SMOC2: variants seen among roughly 807,000 people sequenced by gnomAD.
SMOC2 encodes SPARC related modular calcium binding 2, also known as SPARC-related modular calcium-binding protein 2.
Under a neutral mutation model 61.4 loss-of-function variants are expected in SMOC2, and 39 were observed. The observed-to-expected ratio is 0.64, with a 90% CI of 0.49 to 0.83. The LOEUF is 0.83. SMOC2 is among the 40% of genes least tolerant of loss of function. The probability of loss-of-function intolerance (pLI) is 0.00; values close to 1 mark genes in which losing one functional copy is unlikely to be tolerated. For synonymous variants in SMOC2, 247 were observed against 239.9 expected (o/e 1.03, Z -0.27); for missense variants, 556 against 592.9 (o/e 0.94, Z 0.65).
chr6:168,596,667 C>T (rs4708757), intron 7 of SMOC2, among the ~76,000 whole-genome samples: 6 of 152,054 alleles, frequency 3.9e-5, no homozygotes, highest in Non-Finnish European at 8.8e-5. Context: ...AGAAACATTT[C>T]GCACAACCCC....
intron 2 of SMOC2, among the ~76,000 whole-genome samples, chr6:168,518,461 A>G (rs1783207076): frequency 6.9e-6 from 1 of 144,342 alleles, no homozygotes; most frequent in African/African-American, 2.6e-5. Flanking sequence ...GAATGTGTGT[A>G]TTCATGTGCC....
chr6:168,451,774 T>A (rs1209149327), intron 1 of SMOC2, among the ~76,000 whole-genome samples: 1 of 152,254 alleles, frequency 6.6e-6, no homozygotes, highest in Non-Finnish European at 1.5e-5. Flanking sequence ...TAATCAGTTC[T>A]TCATTCTTAA....
rs1044533861 is a variant in SMOC2 at position 168,448,437 on chromosome 6, G to T, written c.84+6983G>T. 3.4e-5 allele frequency among the ~76,000 whole-genome samples: 5 copies of T among 149,138 alleles called. No homozygotes were observed. In the Admixed American group the frequency reaches 3.4e-4, roughly 10 times the overall value. ...GCAATGGGGAGGACGATGATGGGGAGAAGGATGAGGATGGGGAGGAGGACG... is the reference window on the plus strand; with the variant it reads ...GCAATGGGGAGGACGATGATGGGGATAAGGATGAGGATGGGGAGGAGGACG... On this transcript the variant is annotated intron_variant, in intron 1 of 12. Coordinates refer to ENST00000356284, the MANE Select transcript of SMOC2 (RefSeq NM_001166412.2).
intron 9 of SMOC2, among the ~76,000 whole-genome samples, chr6:168,621,789 C>G (rs988969695): frequency 6.6e-6 from 1 of 152,170 alleles, no homozygotes; most frequent in Non-Finnish European, 1.5e-5. Flanking sequence ...CCAGTCACCT[C>G]CACCTGGTCC....
intron 1 of SMOC2, among the ~76,000 whole-genome samples, chr6:168,490,528 G>A (rs138846575): frequency 2.0e-3 from 309 of 152,286 alleles, no homozygotes; most frequent in African/African-American, 6.7e-3. Context: ...GTGGCAACTC[G>A]GAAGCAAAGT....
At chr6:168,563,865 G>T (rs1784482152) in intron 7 of SMOC2, among the ~76,000 whole-genome samples, 1 of 152,092 alleles carries the variant, frequency 6.6e-6, no homozygotes, top group African/African-American at 2.4e-5. Flanking sequence ...CGGAGGCTCG[G>T]TGTCCGTAGA....
At chr6:168,611,147 G>A (rs1785849491) in intron 9 of SMOC2, among the ~76,000 whole-genome samples, 1 of 152,252 alleles carries the variant, frequency 6.6e-6, no homozygotes, top group Non-Finnish European at 1.5e-5. Context: ...CCAGGCACTT[G>A]CATTGAGCTG....
intron 9 of SMOC2, among the ~76,000 whole-genome samples, chr6:168,636,919 C>T (rs1347243760): frequency 1.7e-5 from 2 of 119,638 alleles, no homozygotes; most frequent in Non-Finnish European, 3.5e-5. Flanking sequence ...ATCCCTCCTC[C>T]CTCCTCCCCC....
intron 7 of SMOC2, among the ~76,000 whole-genome samples, chr6:168,568,039 T>C (rs112577320): frequency 9.4e-4 from 142 of 150,742 alleles, no homozygotes; most frequent in African/African-American, 3.4e-3. Context: ...TCTCTTCAGA[T>C]GAGCAGCCAC....
chr6:168,530,261 A>G (rs1783557654), intron 4 of SMOC2, among the ~76,000 whole-genome samples: 1 of 152,148 alleles, frequency 6.6e-6, no homozygotes, highest in Admixed American at 6.5e-5. Flanking sequence ...ATTCCTGGAG[A>G]GCAGAGAAAG....
chr6:168,519,210 C>CAT (rs1562567325), intron 2 of SMOC2, among the ~76,000 whole-genome samples: 2 of 110,830 alleles, frequency 1.8e-5, no homozygotes, highest in Admixed American at 8.9e-5. Context: ...TGTATGCATG[C>CAT]GTGTGTGAGA....
chr6:168,583,183 C>T (rs965239476), intron 7 of SMOC2, among the ~76,000 whole-genome samples: 2 of 152,238 alleles, frequency 1.3e-5, no homozygotes, highest in African/African-American at 4.8e-5. Flanking sequence ...AACTAAATAA[C>T]CTGCATCCAG....
intron 1 of SMOC2, among the ~76,000 whole-genome samples, chr6:168,505,646 T>A (rs981399462): frequency 6.6e-6 from 1 of 152,274 alleles, no homozygotes; most frequent in Non-Finnish European, 1.5e-5. Flanking sequence ...TGGAAAGTTA[T>A]GTTTTCCTTT....
intron 8 of SMOC2, among the ~76,000 whole-genome samples, chr6:168,599,491 C>T (rs1340835360): frequency 8.0e-6 from 1 of 125,426 alleles, no homozygotes; most frequent in Non-Finnish European, 1.6e-5. Context: ...AATCATACCC[C>T]ACACACCCAC....
intron 1 of SMOC2, among the ~76,000 whole-genome samples, chr6:168,482,167 GAC>G (rs1037699832): frequency 6.6e-6 from 1 of 151,782 alleles, no homozygotes; most frequent in African/African-American, 2.4e-5. Flanking sequence ...GAAAAAAAGA[GAC>G]GTTTCAAATT....
chr6:168,508,141 G>C (rs1256070777), intron 1 of SMOC2, among the ~76,000 whole-genome samples: 2 of 152,214 alleles, frequency 1.3e-5, no homozygotes, highest in Admixed American at 6.5e-5. Flanking sequence ...CTGGCTTTGA[G>C]TCCAGCTTTG....
At chr6:168,529,270 T>C (rs6941466) in intron 4 of SMOC2, among the ~76,000 whole-genome samples, 103,555 of 152,070 alleles carry the variant, frequency 0.68, 37,425 homozygotes, top group Non-Finnish European at 0.8. Flanking sequence ...AGAGAGTAGA[T>C]GGCCCTTTGC....
At chr6:168,651,005 C>T (rs939970804) in intron 10 of SMOC2, among the ~76,000 whole-genome samples, 3 of 152,218 alleles carry the variant, frequency 2.0e-5, no homozygotes, top group Non-Finnish European at 4.4e-5. Context: ...GGCCCTGAGC[C>T]GTGACTCCTG....
chr6:168,540,120 C>T (rs1038268149), intron 4 of SMOC2, among the ~76,000 whole-genome samples: 12 of 152,228 alleles, frequency 7.9e-5, no homozygotes, highest in Non-Finnish European at 1.2e-4. Flanking sequence ...GTTTAATGCC[C>T]GCCTCCCCAA....
Sources: gnomAD v4.1 joint callset for allele counts (sites outside exome capture counted in the v4.1 genomes callset) on GRCh38, gnomAD v4.1.1 for gene constraint, MANE v1.5 for transcripts, NCBI Gene and HGNC (gene_info 2026-07-23, HGNC 2026-07-21) for gene names.